Variants in CHST12 observed in about 807,000 individuals in gnomAD.
The protein encoded by CHST12 is carbohydrate (chondroitin 4) sulfotransferase 12.
In CHST12, 23 loss-of-function variants were observed where a neutral mutation model predicts 27.9. The observed-to-expected ratio is 0.82, with a 90% confidence interval of 0.59 to 1.17. CHST12 has a LOEUF of 1.17. CHST12 is among the 50% of genes most tolerant of loss of function. CHST12 has a pLI of 0.00. For synonymous variants in CHST12, 322 were observed against 273.0 expected (o/e 1.18, Z -1.77); for missense variants, 682 against 603.0 (o/e 1.13, Z -1.37).
In CHST12 at chr7:2,403,667, TCGCGAGGTGAGGGG is replaced by T. The variant is rs949622958; in HGVS notation, c.-79_-78+12del. Reference sequence around the variant, plus strand: ...CGAGGTGAGGGGCGCGAGGTGAGGGTCGCGAGGTGAGGGGCGCGGCGGGCGGCGGGCTCGGGGCG... The same window carrying T: ...CGAGGTGAGGGGCGCGAGGTGAGGGTCGCGGCGGGCGGCGGGCTCGGGGCG... On this transcript the variant is annotated splice_donor_variant and splice_donor_5th_base_variant and 5_prime_UTR_variant and intron_variant, in exon 1 of 2. Transcript: ENST00000618655. LOFTEE classifies it low-confidence loss of function (5UTR_SPLICE). 3 of 148,362 alleles carry T rather than the reference TCGCGAGGTGAGGGG, an allele frequency of 2.0e-5. No individual in the cohort carries two copies. The highest frequency in any genetic ancestry group is 4.4e-5 in the Non-Finnish European group (3 of 68,486). The allele number at this position is 148,362 out of a possible 1,614,324, so 9.2% of individuals were successfully genotyped here.
At chr7:2,425,859 T>C (rs527599915) in intron 1 of CHST12, among the ~76,000 whole-genome samples, 1 of 152,226 alleles carries the variant, frequency 6.6e-6, no homozygotes, top group Admixed American at 6.5e-5. Flanking sequence ...TTACTTCTCG[T>C]CTTTCCAGGG....
In CHST12 at chr7:2,436,128, A is replaced by C. The variant is rs1158890856; in HGVS notation, c.*2244A>C. 1 of 152,192 alleles carries C rather than the reference A, an allele frequency of 6.6e-6. No individual in the cohort carries two copies. The highest frequency in any genetic ancestry group is 1.5e-5 in the Non-Finnish European group (1 of 68,052). 9.4% of individuals were successfully genotyped at this position (152,192 alleles called of 1,614,324 possible). A position where few individuals can be genotyped will look rare whatever the true frequency, so the allele number is the denominator to read the frequency against. On this transcript the variant is annotated 3_prime_UTR_variant, in exon 2 of 2. Coordinates refer to ENST00000618655, the MANE Select transcript of CHST12 (RefSeq NM_018641.5). ...CACACCTGGCCCCTCCAAGTTTTTT[A>C]TTATGATAAAAATGTTTAATTTTAA...
intron 1 of CHST12, among the ~76,000 whole-genome samples, chr7:2,427,210 G>C (rs1234504419): frequency 6.6e-6 from 1 of 151,810 alleles, no homozygotes; most frequent in Non-Finnish European, 1.5e-5. Context: ...GAGAGAGAGA[G>C]ACATACAAAT....
chr7:2,442,622 CA>C lies in CHST12; in HGVS notation c.*8741del, dbSNP rs1428063098. On this transcript the variant is annotated 3_prime_UTR_variant, in exon 2 of 2. Transcript: ENST00000618655. ...TCGTGATCCACCCACCTCGGCCTCC[CA>C]AACTGCTGGGATTACAGGCATGAGA... The C allele has an allele frequency of 1.3e-5, 2 of 152,274 alleles. No homozygotes were observed. Among genetic ancestry groups the C allele is most frequent in the Non-Finnish European group, 2.9e-5 (2 of 68,084 alleles). The allele number at this position is 152,274 out of a possible 1,614,324, so 9.4% of individuals were successfully genotyped here.
chr7:2,446,050 G>T lies in CHST12; in HGVS notation c.*12166G>T, dbSNP rs1053606010. The stretch of plus-strand genomic sequence containing the variant: ...TGCCCAGACCTCTCAAGGGCACTTC[G>T]TGGGACCATTGCCGGCCGTTGTGGC... On this transcript the variant is annotated 3_prime_UTR_variant, in exon 2 of 2. Transcript: ENST00000618655. The T allele has an allele frequency of 6.6e-6, 1 of 152,380 alleles. No individual in the cohort carries two copies. Among genetic ancestry groups the T allele is most frequent in the Non-Finnish European group, 1.5e-5 (1 of 68,180 alleles). 9.4% of individuals were successfully genotyped at this position (152,380 alleles called of 1,614,324 possible). A position where few individuals can be genotyped will look rare whatever the true frequency, so the allele number is the denominator to read the frequency against.
At position 2,433,506 on chromosome 7, in the gene CHST12, C is replaced by T. The variant is rs949424917; in HGVS notation, c.867C>T (p.Arg289=). The T allele has an allele frequency of 2.5e-6, 4 of 1,612,338 alleles. No individual in the cohort carries two copies. Among genetic ancestry groups the T allele is most frequent in the South Asian group, 1.1e-5 (1 of 91,070 alleles). Residue 289 remains arginine, a synonymous_variant, in exon 2 of 2, where the codon CGC becomes CGT. Coordinates refer to ENST00000618655, the MANE Select transcript of CHST12 (RefSeq NM_018641.5). This position sits in a 1 kb window ranked among gnomAD's most constrained non-coding sequence, Gnocchi z 6.1. Reference sequence around the variant, plus strand: ...ACACCAGCCTGCCCGCCTCGGCGCGCGAGGCCTTCCGCGCTGGCCTCAAGG... The same window carrying T: ...ACACCAGCCTGCCCGCCTCGGCGCGTGAGGCCTTCCGCGCTGGCCTCAAGG... ...ANHTSLPASA[R]EAFRAGLKVS...
In CHST12 at chr7:2,433,628, A is replaced by C; in HGVS notation, c.989A>C (p.His330Pro). The C allele has an allele frequency of 6.2e-7, 1 of 1,613,646 alleles. No homozygotes were observed. The highest frequency in any genetic ancestry group is 8.5e-7 in the Non-Finnish European group (1 of 1,179,990). ...EHWRQVYRLC[H>P]PCQIDYDFVG... Reference sequence around the variant, plus strand: ...TGGCGGCAGGTGTACCGCCTCTGCCACCCGTGCCAGATCGACTACGACTTC... The same window carrying C: ...TGGCGGCAGGTGTACCGCCTCTGCCCCCCGTGCCAGATCGACTACGACTTC... Residue 330 changes from histidine (H) to proline (P), a missense_variant, in exon 2 of 2, where the codon CAC becomes CCC. Coordinates refer to ENST00000618655, the MANE Select transcript of CHST12 (RefSeq NM_018641.5). The surrounding 1 kb of genome is among the most constrained non-coding windows in gnomAD (Gnocchi z 6.1).
intron 1 of CHST12, among the ~76,000 whole-genome samples, chr7:2,429,166 CT>C (rs1782208206): frequency 6.6e-6 from 1 of 152,208 alleles, no homozygotes; most frequent in African/African-American, 2.4e-5. Flanking sequence ...CTGGCATTGT[CT>C]TTACACAATC....
intron 1 of CHST12, among the ~76,000 whole-genome samples, chr7:2,423,096 A>G (rs1343380392): frequency 6.6e-6 from 1 of 151,448 alleles, no homozygotes; most frequent in Non-Finnish European, 1.5e-5. Context: ...GCCAACATGG[A>G]GAAAGCCCCT....
intron 1 of CHST12, among the ~76,000 whole-genome samples, chr7:2,429,442 TCTC>T (rs1173937949): frequency 2.0e-5 from 3 of 152,192 alleles, no homozygotes; most frequent in South Asian, 2.1e-4. Context: ...TGTCCTCTCT[TCTC>T]CTTTCTGTAA....
At chr7:2,414,170 C>T (rs757388020) in intron 1 of CHST12, among the ~76,000 whole-genome samples, 2 of 152,028 alleles carry the variant, frequency 1.3e-5, no homozygotes, top group South Asian at 2.1e-4. Flanking sequence ...GTTTATTTTC[C>T]GTTGTAAGAG....
chr7:2,414,054 C>A (rs1426732494), intron 1 of CHST12, among the ~76,000 whole-genome samples: 1 of 151,948 alleles, frequency 6.6e-6, no homozygotes, highest in East Asian at 1.9e-4. Flanking sequence ...ATTTGCATTT[C>A]TTTGATGACT....
At position 2,441,699 on chromosome 7, in the gene CHST12, A is replaced by C. The variant is rs1782610034; in HGVS notation, c.*7815A>C. On this transcript the variant is annotated 3_prime_UTR_variant, in exon 2 of 2. Coordinates refer to ENST00000618655, the MANE Select transcript of CHST12 (RefSeq NM_018641.5). ...CAGAGCAAGATCTTGTCTTAAAAAA[A>C]AAAAAAAAAAAAAAGGTGTTGTATT... The C allele has an allele frequency of 5.3e-5, 8 of 151,950 alleles. No individual in the cohort carries two copies. In the South Asian group the frequency reaches 1.0e-3, roughly 20 times the overall value. 9.4% of individuals were successfully genotyped at this position (151,950 alleles called of 1,614,324 possible).
chr7:2,440,267 C>T lies in CHST12; in HGVS notation c.*6383C>T, dbSNP rs1046217291. 1 of 154,364 alleles carries T rather than the reference C, an allele frequency of 6.5e-6. No homozygotes were observed. Among genetic ancestry groups the T allele is most frequent in the Non-Finnish European group, 1.5e-5 (1 of 68,220 alleles). 9.6% of individuals were successfully genotyped at this position (154,364 alleles called of 1,614,324 possible). On this transcript the variant is annotated 3_prime_UTR_variant, in exon 2 of 2. Coordinates refer to ENST00000618655, the MANE Select transcript of CHST12 (RefSeq NM_018641.5). ...CTTTGACAGTGATAAACGAACACAG[C>T]CTATCTGGGTGTTTTTTGCACTTAT...
At chr7:2,413,117 AGTTT>A (rs1436933812) in intron 1 of CHST12, among the ~76,000 whole-genome samples, 3 of 152,348 alleles carry the variant, frequency 2.0e-5, no homozygotes, top group East Asian at 3.9e-4. Context: ...AGAAAGGCCT[AGTTT>A]GTTCTTCTTT....
chr7:2,412,839 C>G (rs1781701213), intron 1 of CHST12, among the ~76,000 whole-genome samples: 1 of 151,630 alleles, frequency 6.6e-6, no homozygotes, highest in Non-Finnish European at 1.5e-5. Flanking sequence ...TAGAACATCA[C>G]TTTTAACAAC....
rs2115452042 is a variant in CHST12, at chr7:2,435,994, A to T, written c.*2110A>T. On this transcript the variant is annotated 3_prime_UTR_variant, in exon 2 of 2. Coordinates refer to ENST00000618655, the MANE Select transcript of CHST12 (RefSeq NM_018641.5). The stretch of plus-strand genomic sequence containing the variant: ...CCTGCCCAGCTAGTTTTTTATTTTC[A>T]GCAGAGATGAGGTCTCACTGTGTTG... 6.6e-6 allele frequency: 1 copy of T among 152,074 alleles called. No individual in the cohort carries two copies. The allele number at this position is 152,074 out of a possible 1,614,324, so 9.4% of individuals were successfully genotyped here. A position where few individuals can be genotyped will look rare whatever the true frequency, so the allele number is the denominator to read the frequency against.
chr7:2,408,730 T>G (rs183443283), intron 1 of CHST12, among the ~76,000 whole-genome samples: 12 of 152,272 alleles, frequency 7.9e-5, no homozygotes, highest in Non-Finnish European at 1.5e-4. Context: ...AGGAGGTGAT[T>G]GGCAGATGTA....
Position 2,432,813 on chromosome 7 carries a change from G to T in CHST12, c.174G>T (p.Arg58Ser), listed in dbSNP as rs1782320678. ...CCACGCCCGGGCCGGACAGGGACAGGGAGCTCACGGCCGACTCCGATGTCG... is the reference window on the plus strand; with the variant it reads ...CCACGCCCGGGCCGGACAGGGACAGTGAGCTCACGGCCGACTCCGATGTCG... ...PLPTPGPDRD[R>S]ELTADSDVDE... The change falls in exon 2 of 2, where the codon AGG becomes AGT. Residue 58 changes from arginine (R) to serine (S), a missense_variant. Arg to Ser is a moderately radical substitution (Grantham distance 110, BLOSUM62 -1). Transcript: ENST00000618655. The T allele has an allele frequency of 6.2e-7, 1 of 1,613,716 alleles. No homozygotes were observed.
Sources: allele counts gnomAD v4.1 joint callset (sites outside exome capture counted in the v4.1 genomes callset), GRCh38; gene constraint gnomAD v4.1.1; non-coding constraint Gnocchi (gnomAD v3.1); transcripts MANE v1.5; gene names NCBI Gene and HGNC (gene_info 2026-07-23, HGNC 2026-07-21).